Variants in NLGN1 observed in about 807,000 individuals in gnomAD.
NLGN1 encodes the protein neuroligin-1.
A neutral mutation model predicts 65.5 loss-of-function variants in NLGN1; 12 were observed. The ratio of observed to expected loss-of-function variants is 0.18; its 90% CI spans 0.12 to 0.30. NLGN1 has a LOEUF of 0.30. Ranked by LOEUF, NLGN1 falls within the 10% of genes least tolerant of loss-of-function variation. NLGN1 has a pLI of 1.00. For missense variants in NLGN1, 750 were observed against 1,007.1 expected, an observed-to-expected ratio of 0.74 and a Z score of 3.46; for synonymous variants, 350 against 359.5, an observed-to-expected ratio of 0.97 and a Z score of 0.30.
chr3:173,927,834 G>T (rs1341975551), intron 4 of NLGN1, among the ~76,000 whole-genome samples: 1 of 152,052 alleles, frequency 6.6e-6, no homozygotes, highest in Non-Finnish European at 1.5e-5. Flanking sequence ...TCTTCCTTCT[G>T]AACCCGAGAG....
chr3:174,043,093 T>G, intron 4 of NLGN1, among the ~76,000 whole-genome samples: 1 of 152,300 alleles, frequency 6.6e-6, no homozygotes, highest in African/African-American at 2.4e-5. Flanking sequence ...CCATCAGATC[T>G]TGTGAGAACT....
intron 3 of NLGN1, among the ~76,000 whole-genome samples, chr3:173,775,491 G>T (rs1191455912): frequency 6.6e-6 from 1 of 151,662 alleles, no homozygotes; most frequent in Non-Finnish European, 1.5e-5. Flanking sequence ...CCCACCATAC[G>T]ATTGGGATCA....
At chr3:174,025,546 A>G (rs902596799) in intron 4 of NLGN1, among the ~76,000 whole-genome samples, 1 of 152,194 alleles carries the variant, frequency 6.6e-6, no homozygotes, top group Non-Finnish European at 1.5e-5. Flanking sequence ...GAGAAAATGG[A>G]CAAAGAATGA....
At chr3:174,187,604 TGAAAA>T (rs771284255) in intron 4 of NLGN1, among the ~76,000 whole-genome samples, 2 of 152,044 alleles carry the variant, frequency 1.3e-5, no homozygotes, top group African/African-American at 2.4e-5. Context: ...AGTCAAAATC[TGAAAA>T]GAAGAGTATC....
chr3:173,903,567 G>C (rs981450633), intron 4 of NLGN1, among the ~76,000 whole-genome samples: 3 of 152,160 alleles, frequency 2.0e-5, no homozygotes, highest in African/African-American at 7.2e-5. Flanking sequence ...AGAGGTGACA[G>C]ATGGAAGCTG....
chr3:174,244,091 C>T (rs998566207), intron 4 of NLGN1, among the ~76,000 whole-genome samples: 7 of 152,102 alleles, frequency 4.6e-5, no homozygotes, highest in Non-Finnish European at 1.0e-4. Flanking sequence ...CTTTTCTTTC[C>T]TAATAAAATA....
At chr3:174,027,223 C>G (rs12493536) in intron 4 of NLGN1, among the ~76,000 whole-genome samples, 39,783 of 151,960 alleles carry the variant, frequency 0.26, 6,217 homozygotes, top group African/African-American at 0.43. Flanking sequence ...CAGCTGTCTA[C>G]CCAAAGTTCT....
At chr3:174,265,536 G>A (rs1165143247) in intron 4 of NLGN1, among the ~76,000 whole-genome samples, 1 of 151,754 alleles carries the variant, frequency 6.6e-6, no homozygotes, top group Non-Finnish European at 1.5e-5. Flanking sequence ...CCCTGTTTCG[G>A]CTCGCACACG....
intron 4 of NLGN1, among the ~76,000 whole-genome samples, chr3:174,265,268 A>C (rs4274763): frequency 0.18 from 26,866 of 148,214 alleles, 2,751 homozygotes; most frequent in East Asian, 0.51. Flanking sequence ...GGCGGGCGCC[A>C]CTCCCCCAGC....
At chr3:173,396,117 C>T (rs1356940802), upstream of NLGN1, among the ~76,000 whole-genome samples, 1 of 152,148 alleles carries the variant, frequency 6.6e-6, no homozygotes, top group Non-Finnish European at 1.5e-5. Context: ...GCAGCCACCT[C>T]CCCGCCTATG....
intron 3 of NLGN1, chr3:173,789,803 G>A (rs1348188009): frequency 1.7e-5 from 8 of 479,400 alleles, no homozygotes; most frequent in Non-Finnish European, 3.4e-5. Context: ...ATAAACTAAA[G>A]TTCAAATTCA....
At chr3:174,046,928 G>A (rs1441900310) in intron 4 of NLGN1, among the ~76,000 whole-genome samples, 1 of 151,906 alleles carries the variant, frequency 6.6e-6, no homozygotes, top group Admixed American at 6.6e-5. Flanking sequence ...TTTATAAAAG[G>A]TTTGGAAGTA....
rs185358696 is a variant in NLGN1, at chr3:173,690,686, A to C, written c.493+85595A>C. Among the ~76,000 whole-genome samples the C allele has an allele frequency of 1.4e-3, 216 of 152,316 alleles. 1 individual carries two copies. The highest frequency in any genetic ancestry group is 2.7e-3 in the Non-Finnish European group (182 of 68,010). On this transcript the variant is annotated intron_variant, in intron 3 of 6. Transcript: ENST00000457714. ...GACCTTGGTAATCTGTAATCAAGTT[A>C]ATGAAGAACATAGTTTCTGCTTCCG... is the stretch of plus-strand genomic sequence containing the variant.
At chr3:174,043,223 G>A (rs1304184596) in intron 4 of NLGN1, among the ~76,000 whole-genome samples, 1 of 152,088 alleles carries the variant, frequency 6.6e-6, no homozygotes, top group African/African-American at 2.4e-5. Context: ...AGATTTGAGT[G>A]GGGACACAGC....
At chr3:174,240,058 T>C (rs1742497894) in intron 4 of NLGN1, among the ~76,000 whole-genome samples, 1 of 151,794 alleles carries the variant, frequency 6.6e-6, no homozygotes, top group Non-Finnish European at 1.5e-5. Context: ...TCAGAGAAAA[T>C]AGATTTAATA....
chr3:173,647,658 G>A (rs1758490850), intron 3 of NLGN1, among the ~76,000 whole-genome samples: 1 of 151,892 alleles, frequency 6.6e-6, no homozygotes, highest in Non-Finnish European at 1.5e-5. Context: ...CATAATTTAG[G>A]AACTTCCCCT....
At chr3:173,462,137 T>C (rs367603521) in intron 2 of NLGN1, among the ~76,000 whole-genome samples, 9 of 152,338 alleles carry the variant, frequency 5.9e-5, no homozygotes, top group African/African-American at 9.6e-5. Context: ...TAAAAGTCTT[T>C]CAAAGCTTGC....
chr3:174,028,242 T>C (rs1729243518), intron 4 of NLGN1, among the ~76,000 whole-genome samples: 1 of 152,272 alleles, frequency 6.6e-6, no homozygotes, highest in Non-Finnish European at 1.5e-5. Flanking sequence ...AACAGGCAGA[T>C]GTTGAAACAG....
intron 4 of NLGN1, among the ~76,000 whole-genome samples, chr3:173,957,795 C>T (rs142169817): frequency 1.7e-3 from 255 of 152,294 alleles, no homozygotes; most frequent in African/African-American, 5.6e-3. Context: ...TAGCCAGTGA[C>T]GCCTTTGCCT....
Sources: allele counts gnomAD v4.1 joint callset (sites outside exome capture counted in the v4.1 genomes callset), GRCh38; gene constraint gnomAD v4.1.1; transcripts MANE v1.5; gene names NCBI Gene and HGNC (gene_info 2026-07-23, HGNC 2026-07-21).